The following LINGO1 variants were observed in gnomAD, a reference collection of about 807,000 sequenced individuals.
LINGO1 encodes leucine rich repeat and Ig domain containing 1.
LINGO1 carries 11 observed loss-of-function variants against 37.3 expected under a neutral mutation model. The observed-to-expected ratio is 0.29, with a 90% CI of 0.19 to 0.49. The LOEUF (loss-of-function observed/expected upper bound fraction) is 0.49, where lower values mean the gene tolerates loss of function less well. Ranked by LOEUF, LINGO1 falls within the 20% of genes least tolerant of loss-of-function variation. LINGO1 has a pLI of 0.99. For missense variants in LINGO1, 585 were observed against 878.2 expected, an observed-to-expected ratio of 0.67 and a Z score of 4.22; for synonymous variants, 387 against 403.0, an observed-to-expected ratio of 0.96 and a Z score of 0.48.
rs571446637 is a variant in LINGO1, at chr15:77,687,491, C to T, written c.-99+3229G>A. Among the ~76,000 whole-genome samples, 348 of 152,316 alleles carry T rather than the reference C, an allele frequency of 2.3e-3. 2 individuals are homozygous for T. The highest frequency in any genetic ancestry group is 8.2e-3 in the African/African-American group (340 of 41,562). On this transcript the variant is annotated intron_variant, in intron 2 of 3. Transcript: ENST00000559893. ...GCCCCTACTATGCCTGCCTTCTATC[C>T]TGGTTAGGCTGGTCCTATGCTCCAC...
intron 2 of LINGO1, among the ~76,000 whole-genome samples, chr15:77,682,546 A>G (rs1480247566): frequency 6.6e-6 from 1 of 151,966 alleles, no homozygotes; most frequent in Non-Finnish European, 1.5e-5. Context: ...GGCATCAGTC[A>G]TGTAGCCCCC....
chr15:77,662,969 C>T (rs1159245005), intron 3 of LINGO1, among the ~76,000 whole-genome samples: 1 of 152,200 alleles, frequency 6.6e-6, no homozygotes, highest in Admixed American at 6.5e-5. Context: ...CGGTGCTTCA[C>T]CACACTCGAA....
At chr15:77,715,433 A>G (rs1474906541) in intron 2 of LINGO1, among the ~76,000 whole-genome samples, 1 of 152,192 alleles carries the variant, frequency 6.6e-6, no homozygotes, top group Non-Finnish European at 1.5e-5. Flanking sequence ...CCCTATCACC[A>G]GCAGTGTCCA....
intron 3 of LINGO1, among the ~76,000 whole-genome samples, chr15:77,643,554 C>A (rs902285112): frequency 3.9e-5 from 6 of 152,198 alleles, no homozygotes; most frequent in African/African-American, 1.4e-4. Flanking sequence ...GCTCTCCTGG[C>A]TCCTTGGCCT....
At chr15:77,771,474 A>G (rs1406229749) in intron 1 of LINGO1, among the ~76,000 whole-genome samples, 1 of 152,160 alleles carries the variant, frequency 6.6e-6, no homozygotes, top group Non-Finnish European at 1.5e-5. Flanking sequence ...TCAGGGCAAG[A>G]GTCTGCAATA....
intron 2 of LINGO1, among the ~76,000 whole-genome samples, chr15:77,733,167 G>C (rs2076170192): frequency 6.6e-6 from 1 of 152,196 alleles, no homozygotes; most frequent in Admixed American, 6.5e-5. Flanking sequence ...ACCGAGTGGG[G>C]CTGGGGCCCA....
rs1567588059 is a variant in LINGO1 at position 77,794,349 on chromosome 15, TACGTATATATGTGTATATACATAC to T, written c.-343+1566_-343+1589del. Among the ~76,000 whole-genome samples, 202 of 120,906 alleles carry T rather than the reference TACGTATATATGTGTATATACATAC, an allele frequency of 1.7e-3. 28 individuals are homozygous for T. Among genetic ancestry groups the T allele is most frequent in the African/African-American group, 6.2e-3 (190 of 30,566 alleles). 79.3% of individuals were successfully genotyped at this position (120,906 alleles called of 152,430 possible). On this transcript the variant is annotated intron_variant, in intron 2 of 5. Coordinates refer to the LINGO1 transcript ENST00000562933. ...ACATATATGTATATACATACATATA[TACGTATATATGTGTATATACATAC>T]GTATATGTATATACATACATATATA...
chr15:77,789,163 A>G (rs2076798950), upstream of LINGO1, among the ~76,000 whole-genome samples: 1 of 152,234 alleles, frequency 6.6e-6, no homozygotes, highest in Admixed American at 6.5e-5. Flanking sequence ...GTGTGCCTCC[A>G]AAGATGACAT....
intron 2 of LINGO1, among the ~76,000 whole-genome samples, chr15:77,722,134 TATTTTTTAGTATATCTTAAATA>T (rs1375994446): frequency 2.6e-5 from 4 of 152,224 alleles, no homozygotes; most frequent in Non-Finnish European, 4.4e-5. Flanking sequence ...AAAAGGTGCT[TATTTTTTAGTATATCTTAAATA>T]GGAGCCTGCA....
upstream of LINGO1, among the ~76,000 whole-genome samples, chr15:77,699,783 T>TGCACACAGTAAGCACATA (rs1489195600): frequency 0.015 from 1 of 68 alleles, no homozygotes; most frequent in Non-Finnish European, 0.045. Context: ...ATTCCCCCCC[T>TGCACACAGTAAGCACATA]CTACCTCCCT....
rs1567444581 is a variant in LINGO1 at position 77,613,893 on chromosome 15, CG to C, written c.*150del. 4.4e-6 allele frequency: 3 copies of C among 675,414 alleles called. No individual in the cohort carries two copies. Among genetic ancestry groups the C allele is most frequent in the Middle Eastern group, 4.0e-4 (1 of 2,484 alleles). 41.8% of individuals were successfully genotyped at this position (675,414 alleles called of 1,614,324 possible). ...AAGGAGGGCAGGTGGTGAGGGCTGGCGGGGGGCAGCAGGGGACGGAGGCGGG... is the reference window on the plus strand; with the variant it reads ...AAGGAGGGCAGGTGGTGAGGGCTGGCGGGGGCAGCAGGGGACGGAGGCGGG... On this transcript the variant is annotated 3_prime_UTR_variant, in exon 2 of 2. Coordinates refer to ENST00000355300, the MANE Select transcript of LINGO1 (RefSeq NM_032808.7).
At position 77,798,201 on chromosome 15, in the gene LINGO1, G is replaced by A. The variant is rs199887732; in HGVS notation, c.-457-2148C>T. ...GCCAGCCTAGGACACAGGGGTAGCAGAGCCTGGGCAGCTCCTCAGGCCCGG... is the reference window on the plus strand; with the variant it reads ...GCCAGCCTAGGACACAGGGGTAGCAAAGCCTGGGCAGCTCCTCAGGCCCGG... On this transcript the variant is annotated intron_variant, in intron 1 of 5. Transcript: ENST00000562933. Among the ~76,000 whole-genome samples the A allele has an allele frequency of 8.5e-5, 13 of 152,334 alleles. No individual in the cohort carries two copies. The East Asian group carries it at 2.5e-3, about 29-fold the overall frequency.
chr15:77,700,629 G>A (rs1347702503), upstream of LINGO1, among the ~76,000 whole-genome samples: 1 of 152,158 alleles, frequency 6.6e-6, no homozygotes, highest in African/African-American at 2.4e-5. Context: ...GGTGGTAGGT[G>A]GGGTCGGTGT....
chr15:77,635,643 C>G (rs1224986782), upstream of LINGO1, among the ~76,000 whole-genome samples: 2 of 152,224 alleles, frequency 1.3e-5, no homozygotes, highest in Non-Finnish European at 2.9e-5. Flanking sequence ...TGCTGGACCA[C>G]CCTGGTGGCG....
intron 2 of LINGO1, among the ~76,000 whole-genome samples, chr15:77,723,286 G>A (rs1421840810): frequency 2.0e-5 from 3 of 152,046 alleles, no homozygotes; most frequent in Non-Finnish European, 4.4e-5. Flanking sequence ...AAATGCAACC[G>A]TGTCATCTAT....
chr15:77,630,566 G>C (rs910343946), intron 1 of LINGO1, among the ~76,000 whole-genome samples: 4 of 152,150 alleles, frequency 2.6e-5, no homozygotes, highest in Admixed American at 6.5e-5. Flanking sequence ...TATCGCAAGG[G>C]GTAAGTCTCT....
intron 1 of LINGO1, among the ~76,000 whole-genome samples, chr15:77,756,549 C>A (rs2076421284): frequency 6.6e-6 from 1 of 152,040 alleles, no homozygotes; most frequent in Non-Finnish European, 1.5e-5. Context: ...CATAAACATA[C>A]ACATACATAC....
upstream of LINGO1, among the ~76,000 whole-genome samples, chr15:77,791,220 C>T (rs1297831047): frequency 6.6e-6 from 1 of 152,020 alleles, no homozygotes; most frequent in Non-Finnish European, 1.5e-5. Flanking sequence ...AGCAGGCAGA[C>T]AGGAGACATG....
intron 2 of LINGO1, among the ~76,000 whole-genome samples, chr15:77,683,805 A>G (rs763657878): frequency 2.0e-5 from 3 of 149,774 alleles, no homozygotes; most frequent in Non-Finnish European, 4.4e-5. Context: ...TCCGTTTTTT[A>G]ATTTTGCTTG....
Sources: gnomAD v4.1 joint callset for allele counts (sites outside exome capture counted in the v4.1 genomes callset) on GRCh38, gnomAD v4.1.1 for gene constraint, MANE v1.5 for transcripts, NCBI Gene and HGNC (gene_info 2026-07-23, HGNC 2026-07-21) for gene names.